SEPTIN8: variants seen among roughly 807,000 people sequenced by gnomAD.
SEPTIN8 encodes the protein septin-8.
Under a neutral mutation model 53.1 loss-of-function variants are expected in SEPTIN8, and 22 were observed. That is an observed-to-expected ratio of 0.41 (90% CI 0.30 to 0.59). The LOEUF is 0.59. SEPTIN8 is among the 20% of genes least tolerant of loss of function. SEPTIN8 has a pLI of 0.24. For synonymous variants in SEPTIN8, 228 were observed against 248.4 expected (o/e 0.92, Z 0.77); for missense variants, 536 against 638.7 (o/e 0.84, Z 1.73).
intron 9 of SEPTIN8, chr5:132,754,082 AGAGT>A: frequency 4.2e-6 from 1 of 237,720 alleles, no homozygotes; most frequent in East Asian, 9.5e-5. Flanking sequence ...TCTATATTAT[AGAGT>A]TAGTATACAT....
chr5:132,774,179 A>T (rs532008180), intron 1 of SEPTIN8: 1 of 167,064 alleles, frequency 6.0e-6, no homozygotes, highest in African/African-American at 2.4e-5. Flanking sequence ...AAGTATCAAG[A>T]TTGCAGGGGT....
intron 2 of SEPTIN8, among the ~76,000 whole-genome samples, chr5:132,765,079 C>T (rs1487227457): frequency 6.6e-6 from 1 of 152,010 alleles, no homozygotes; most frequent in African/African-American, 2.4e-5. Flanking sequence ...GTCCTTGACA[C>T]AGGGTGGGAA....
Position 132,762,643 on chromosome 5 carries a change from C to T in SEPTIN8, c.537G>A (p.Val179=). The change falls in exon 5 of 10, where the codon GTG becomes GTA. Residue 179 remains valine (V), a splice_region_variant and synonymous_variant. Coordinates refer to ENST00000378719, the MANE Select transcript of SEPTIN8 (RefSeq NM_001098811.2). ...CCTTGGCGATGATGGGAATAATGTTCACCTGCCAGGATCAGGGGAGGGGAC... is the reference window on the plus strand; with the variant it reads ...CCTTGGCGATGATGGGAATAATGTTTACCTGCCAGGATCAGGGGAGGGGAC... ...LVTMKKLDSK[V]NIIPIIAKAD... 1.2e-6 allele frequency: 2 copies of T among 1,614,186 alleles called. No individual in the cohort carries two copies. The highest frequency in any genetic ancestry group is 2.2e-5 in the South Asian group (2 of 91,066).
intron 1 of SEPTIN8, among the ~76,000 whole-genome samples, chr5:132,766,900 A>C (rs1756658661): frequency 6.6e-6 from 1 of 151,916 alleles, no homozygotes; most frequent in South Asian, 2.1e-4. Context: ...CAACCAGAGA[A>C]CCTTGGCACT....
rs1367765352 is a variant in SEPTIN8 at position 132,773,125 on chromosome 5, G to T, written c.30+3983C>A. Among the ~76,000 whole-genome samples the T allele has an allele frequency of 6.6e-6, 1 of 152,216 alleles. No homozygotes were observed. The highest frequency in any genetic ancestry group is 6.5e-5 in the Admixed American group (1 of 15,292). On this transcript the variant is annotated intron_variant, in intron 1 of 9. Transcript: ENST00000378719. The surrounding 1 kb of genome is among the most constrained non-coding windows in gnomAD (Gnocchi z 4.2). ...TTTCAGGAGCTCTGAAGGTTCAGAT[G>T]GCTCCAAAAGAAGCCAACAGAGTGC...
intron 1 of SEPTIN8, among the ~76,000 whole-genome samples, chr5:132,771,883 G>A (rs1757355198): frequency 6.6e-6 from 1 of 151,848 alleles, no homozygotes; most frequent in African/African-American, 2.4e-5. Context: ...ATACGTGGGA[G>A]GGTGGGGGTG....
intron 1 of SEPTIN8, among the ~76,000 whole-genome samples, chr5:132,769,982 C>CATATAT (rs1164726534): frequency 2.4e-3 from 131 of 55,310 alleles, no homozygotes; most frequent in Middle Eastern, 0.012. Flanking sequence ...TCTATATATA[C>CATATAT]ATATATATAT....
At chr5:132,767,244 A>C (rs1320120328) in intron 1 of SEPTIN8, among the ~76,000 whole-genome samples, 1 of 152,204 alleles carries the variant, frequency 6.6e-6, no homozygotes, top group Non-Finnish European at 1.5e-5. Context: ...TGGTGCCCAC[A>C]TAAAAGTAGT....
chr5:132,764,081 T>C, intron 3 of SEPTIN8, 143 bp downstream of exon 3: 1 of 974,798 alleles, frequency 1.0e-6, no homozygotes. Context: ...GAGTAACTGG[T>C]CTGTTGGTGA....
At position 132,761,584 on chromosome 5, in the gene SEPTIN8, A is replaced by G. The variant is rs145894816; in HGVS notation, c.836T>C (p.Met279Thr). The part of the protein sequence containing the change: ...NHCDFVKLRE[M>T]LIRVNMEDLR... ...GTCTTCCATGTTCACCCGGATCAAC[A>G]TCTCCCGCAGCTTCACGAAGTCGCA... The change falls in exon 7 of 10, where the codon ATG becomes ACG. Residue 279 changes from methionine (M) to threonine (T), a missense_variant. Transcript: ENST00000378719. The surrounding 1 kb of genome is among the most constrained non-coding windows in gnomAD (Gnocchi z 5.8). The G allele has an allele frequency of 1.4e-4, 234 of 1,613,984 alleles. No homozygotes were observed. In the East Asian group the frequency reaches 5.2e-3, roughly 36 times the overall value.
At chr5:132,779,521 C>T (rs1394475455), upstream of SEPTIN8, among the ~76,000 whole-genome samples, 1 of 152,232 alleles carries the variant, frequency 6.6e-6, no homozygotes, top group Non-Finnish European at 1.5e-5. Context: ...CAGCACCACA[C>T]TGAACTTGAA....
At chr5:132,759,190 C>G (rs1165821568) in intron 9 of SEPTIN8, among the ~76,000 whole-genome samples, 5 of 152,234 alleles carry the variant, frequency 3.3e-5, no homozygotes, top group African/African-American at 4.8e-5. Flanking sequence ...GTCAACCCAC[C>G]TACCCCATTC....
chr5:132,755,177 C>A (rs1226266292), intron 9 of SEPTIN8, among the ~76,000 whole-genome samples: 1 of 152,196 alleles, frequency 6.6e-6, no homozygotes, highest in Non-Finnish European at 1.5e-5. Flanking sequence ...ACCACTCTCC[C>A]TGCAGGGGTC....
intron 9 of SEPTIN8, chr5:132,757,241 C>T: frequency 7.1e-6 from 7 of 985,204 alleles, no homozygotes; most frequent in Non-Finnish European, 8.4e-6. Context: ...TTTAGATCCA[C>T]CCCTGGTCAT....
In SEPTIN8 at chr5:132,752,263, C is replaced by T. The variant is rs1056933613; in HGVS notation, c.1287-82G>A. 7.4e-6 allele frequency: 11 copies of T among 1,488,820 alleles called. No individual in the cohort carries two copies. The African/African-American group carries it at 1.5e-4, about 21-fold the overall frequency. The allele number at this position is 1,488,820 out of a possible 1,614,324, so 92.2% of individuals were successfully genotyped here. A position where few individuals can be genotyped will look rare whatever the true frequency, so the allele number is the denominator to read the frequency against. On this transcript the variant is annotated intron_variant, in intron 9 of 9. Coordinates refer to ENST00000378719, the MANE Select transcript of SEPTIN8 (RefSeq NM_001098811.2). ...CCCTTTAGCTGACACACTCTGACCC[C>T]AAAGGGGTACCCTTTGCCCTTGTAG...
upstream of SEPTIN8, chr5:132,777,271 C>G (rs1757897939): frequency 8.9e-7 from 1 of 1,120,072 alleles, no homozygotes. This position sits in a 1 kb window ranked among gnomAD's most constrained non-coding sequence, Gnocchi z 4.1. Flanking sequence ...TGGAAACTCC[C>G]CTTGGCGGCG....
At chr5:132,758,810 C>A in intron 9 of SEPTIN8, 1 of 1,614,072 alleles carries the variant, frequency 6.2e-7, no homozygotes, top group East Asian at 2.2e-5. Context: ...ACATGTAAGT[C>A]TGTGCGTGCG....
chr5:132,777,562 C>G (rs1223442572), upstream of SEPTIN8: 1 of 972,394 alleles, frequency 1.0e-6, no homozygotes, highest in Admixed American at 6.1e-5. The surrounding 1 kb of genome is among the most constrained non-coding windows in gnomAD (Gnocchi z 4.1). Context: ...TGGGTCCGCG[C>G]GCTGGAAAGC....
At position 132,776,104 on chromosome 5, in the gene SEPTIN8, T is replaced by C. The variant is rs1757762757; in HGVS notation, c.30+1004A>G. The stretch of plus-strand genomic sequence containing the variant: ...CTTATTTAGCCCCAGAACCAATTCG[T>C]TATCGTTCACATATTCAGAATTCCC... On this transcript the variant is annotated intron_variant, in intron 1 of 9. Coordinates refer to ENST00000378719, the MANE Select transcript of SEPTIN8 (RefSeq NM_001098811.2). The surrounding 1 kb of genome is among the most constrained non-coding windows in gnomAD (Gnocchi z 4.4). 1 of 152,654 alleles carries C rather than the reference T, an allele frequency of 6.6e-6. No homozygotes were observed. Among genetic ancestry groups the C allele is most frequent in the African/African-American group, 2.4e-5 (1 of 41,434 alleles). The allele number at this position is 152,654 out of a possible 1,614,324, so 9.5% of individuals were successfully genotyped here.
Sources: allele counts gnomAD v4.1 joint callset (sites outside exome capture counted in the v4.1 genomes callset), GRCh38; gene constraint gnomAD v4.1.1; non-coding constraint Gnocchi (gnomAD v3.1); transcripts MANE v1.5; gene names NCBI Gene and HGNC (gene_info 2026-07-23, HGNC 2026-07-21).